USH2A: variants seen among roughly 807,000 people sequenced by gnomAD.
USH2A encodes Usher syndrome 2A (autosomal recessive, mild).
USH2A carries 443 observed loss-of-function variants against 538.9 expected under a neutral mutation model. The ratio of observed to expected loss-of-function variants is 0.82; its 90% CI spans 0.76 to 0.89. The LOEUF is 0.89. USH2A is among the 40% of genes least tolerant of loss of function. The pLI is 0.00. For missense variants in USH2A, 6,633 were observed against 6,324.8 expected (o/e 1.05, Z -1.65); for synonymous variants, 2,413 against 2,273.5 (o/e 1.06, Z -1.75).
intron 37 of USH2A, among the ~76,000 whole-genome samples, chr1:215,949,542 TAAGATGTTGAA>T (rs1455527034): frequency 6.6e-6 from 1 of 151,970 alleles, no homozygotes; most frequent in Non-Finnish European, 1.5e-5. Context: ...TCTAAATAAT[TAAGATGTTGAA>T]AGCACCACAA....
At chr1:215,659,848 T>C (rs181981902) in intron 64 of USH2A, among the ~76,000 whole-genome samples, 3 of 152,288 alleles carry the variant, frequency 2.0e-5, no homozygotes, top group Admixed American at 1.3e-4. Flanking sequence ...CACCTTGAAC[T>C]TGGGGTCAGA....
At chr1:216,376,430 A>G (rs527612124) in intron 3 of USH2A, among the ~76,000 whole-genome samples, 1 of 152,160 alleles carries the variant, frequency 6.6e-6, no homozygotes, top group African/African-American at 2.4e-5. Context: ...GAAGGAATAA[A>G]ATTTAAAATG....
intron 37 of USH2A, among the ~76,000 whole-genome samples, chr1:215,962,509 G>A (rs1415903028): frequency 1.3e-5 from 2 of 152,050 alleles, no homozygotes; most frequent in African/African-American, 4.8e-5. Flanking sequence ...AGGAATTGCT[G>A]TGATAATTTC....
At chr1:216,288,795 CAG>C (rs1306220029) in intron 11 of USH2A, among the ~76,000 whole-genome samples, 2 of 152,010 alleles carry the variant, frequency 1.3e-5, no homozygotes, top group African/African-American at 2.4e-5. Context: ...TGTAAGTAAA[CAG>C]AAAGTTTTAA....
chr1:215,982,803 A>T (rs1317281720), intron 35 of USH2A, among the ~76,000 whole-genome samples: 1 of 152,166 alleles, frequency 6.6e-6, no homozygotes, highest in Non-Finnish European at 1.5e-5. Flanking sequence ...CATTAGAGGT[A>T]TTATGAGGAT....
intron 4 of USH2A, among the ~76,000 whole-genome samples, chr1:216,336,745 G>A (rs768711211): frequency 1.9e-4 from 29 of 151,374 alleles, no homozygotes; most frequent in Non-Finnish European, 4.1e-4. Flanking sequence ...AACATATCAT[G>A]CACCTTATGT....
At chr1:216,174,293 CATA>C (rs2034329537) in intron 21 of USH2A, 3 of 977,008 alleles carry the variant, frequency 3.1e-6, no homozygotes, top group Non-Finnish European at 3.6e-6. Context: ...TATGAGTTTA[CATA>C]ATAATATATA....
In USH2A at chr1:215,696,375, T is replaced by C. The variant is rs556568024; in HGVS notation, c.12067-15999A>G. 2.0e-5 allele frequency among the ~76,000 whole-genome samples: 3 copies of C among 152,240 alleles called. No individual in the cohort carries two copies. In the South Asian group the frequency reaches 6.2e-4, roughly 32 times the overall value. On this transcript the variant is annotated intron_variant, in intron 61 of 71. Transcript: ENST00000307340. ...AGTGGACCTGTTCAAACCTGTGTTG[T>C]TCAAGGGTCAACTTTACAGGTTTGG... is the stretch of plus-strand genomic sequence containing the variant.
chr1:215,776,302 C>T (rs754266621), intron 55 of USH2A, among the ~76,000 whole-genome samples: 9 of 152,164 alleles, frequency 5.9e-5, no homozygotes, highest in Non-Finnish European at 1.3e-4. Flanking sequence ...TAGCAGAAAA[C>T]GCTTCAGTTT....
At chr1:216,213,287 A>G (rs1309028618) in intron 15 of USH2A, among the ~76,000 whole-genome samples, 1 of 152,100 alleles carries the variant, frequency 6.6e-6, no homozygotes, top group African/African-American at 2.4e-5. Context: ...TATCATCTAC[A>G]AGTAAAGAAA....
intron 47 of USH2A, among the ~76,000 whole-genome samples, chr1:215,820,328 A>G (rs1466889121): frequency 6.6e-6 from 1 of 151,540 alleles, no homozygotes. Flanking sequence ...AACATTGTGG[A>G]TTATACTTTG....
rs757143192 is a variant in USH2A, at chr1:215,650,579, C to G, written c.14343+13G>C. 1.1e-5 allele frequency: 17 copies of G among 1,613,982 alleles called. No individual in the cohort carries two copies. The highest frequency in any genetic ancestry group is 1.4e-5 in the Non-Finnish European group (16 of 1,179,998). The stretch of plus-strand genomic sequence containing the variant: ...AAGTCAACCAGTCCTGGATTTTTAG[C>G]TCTGCTGCTCACCACTGTCTCAGCC... On this transcript the variant is annotated intron_variant, in intron 65 of 71. Coordinates refer to ENST00000307340, the MANE Select transcript of USH2A (RefSeq NM_206933.4).
chr1:215,920,939 G>A (rs1307008527), intron 38 of USH2A, among the ~76,000 whole-genome samples: 2 of 151,920 alleles, frequency 1.3e-5, no homozygotes, highest in Non-Finnish European at 2.9e-5. Context: ...CTGTTCACAT[G>A]GCTTATTTCT....
chr1:215,825,672 T>C (rs1185707497), intron 47 of USH2A, among the ~76,000 whole-genome samples: 1 of 152,186 alleles, frequency 6.6e-6, no homozygotes, highest in African/African-American at 2.4e-5. Context: ...CTAATCGATT[T>C]GGTCATTTTT....
At chr1:216,279,518 G>T (rs1210056381) in intron 11 of USH2A, among the ~76,000 whole-genome samples, 1 of 152,072 alleles carries the variant, frequency 6.6e-6, no homozygotes, top group Non-Finnish European at 1.5e-5. Context: ...TCAAAAAGTG[G>T]TTCACAGACA....
At chr1:215,884,656 TTTTGTC>T (rs1249642625) in intron 41 of USH2A, among the ~76,000 whole-genome samples, 2 of 136,862 alleles carry the variant, frequency 1.5e-5, no homozygotes, top group African/African-American at 5.5e-5. Flanking sequence ...GTTTTATACT[TTTTGTC>T]TGTGGTTTAT....
rs1240942157 is a variant in USH2A, at chr1:216,247,066, C to T, written c.2328G>A (p.Gln776=). The change falls in exon 13 of 72, where the codon CAG becomes CAA. Residue 776 remains glutamine, a synonymous_variant. Coordinates refer to ENST00000307340, the MANE Select transcript of USH2A (RefSeq NM_206933.4). The part of the protein sequence containing the change: ...CECKKEAKGL[Q]CDTCRENFYG... ...AAAAGTTTTCTCTGCAGGTGTCACA[C>T]TGAAGTCCTTTGGCTTCTTTTTTGC... The T allele has an allele frequency of 6.2e-7, 1 of 1,614,062 alleles. No homozygotes were observed. The highest frequency in any genetic ancestry group is 1.1e-5 in the South Asian group (1 of 91,092).
At chr1:215,944,260 G>T (rs1161545521) in intron 37 of USH2A, among the ~76,000 whole-genome samples, 3 of 152,204 alleles carry the variant, frequency 2.0e-5, no homozygotes, top group South Asian at 2.1e-4. Context: ...AGTAATTATG[G>T]CAGAGACTAT....
At chr1:216,381,824 T>G (rs976322612) in intron 3 of USH2A, among the ~76,000 whole-genome samples, 1 of 152,182 alleles carries the variant, frequency 6.6e-6, no homozygotes, top group African/African-American at 2.4e-5. Context: ...ATAACCAAAA[T>G]CTAATCATAC....
Sources: allele counts gnomAD v4.1 joint callset (sites outside exome capture counted in the v4.1 genomes callset), GRCh38; gene constraint gnomAD v4.1.1; transcripts MANE v1.5; gene names NCBI Gene and HGNC (gene_info 2026-07-23, HGNC 2026-07-21).